The following ADAM12 variants were observed in gnomAD, a reference collection of about 807,000 sequenced individuals.
ADAM12 encodes the protein ADAM metallopeptidase domain 12.
A neutral mutation model predicts 106.4 loss-of-function variants in ADAM12; 70 were observed. The ratio of observed to expected loss-of-function variants is 0.66; its 90% CI spans 0.54 to 0.80. The LOEUF (loss-of-function observed/expected upper bound fraction) is 0.80. ADAM12 is among the 30% of genes least tolerant of loss of function. ADAM12 has a pLI of 0.00. For missense variants in ADAM12, 1,010 were observed against 1,171.9 expected (o/e 0.86, Z 2.02); for synonymous variants, 420 against 433.5 (o/e 0.97, Z 0.39).
At chr10:126,267,265 C>A (rs567504263) in intron 3 of ADAM12, among the ~76,000 whole-genome samples, 83 of 152,226 alleles carry the variant, frequency 5.5e-4, no homozygotes, top group Non-Finnish European at 1.1e-3. Context: ...CTTTTTGGCA[C>A]CTGAGACCGG....
At chr10:126,279,781 C>G (rs529096006) in intron 2 of ADAM12, among the ~76,000 whole-genome samples, 4 of 152,018 alleles carry the variant, frequency 2.6e-5, no homozygotes, top group Non-Finnish European at 4.4e-5. Context: ...TTGGGTCATC[C>G]CACAGAACAG....
At chr10:126,321,839 G>A (rs1854105023) in intron 2 of ADAM12, among the ~76,000 whole-genome samples, 1 of 146,618 alleles carries the variant, frequency 6.8e-6, no homozygotes, top group African/African-American at 2.5e-5. Context: ...AAAGAATACT[G>A]GATTTCAAAT....
chr10:126,036,533 C>A (rs1050776365), intron 20 of ADAM12, among the ~76,000 whole-genome samples: 1 of 152,120 alleles, frequency 6.6e-6, no homozygotes, highest in East Asian at 1.9e-4. Context: ...GCCTCCACCC[C>A]ACCAAATCTG....
At chr10:126,184,751 C>T (rs1957370055) in intron 3 of ADAM12, among the ~76,000 whole-genome samples, 1 of 152,098 alleles carries the variant, frequency 6.6e-6, no homozygotes. Flanking sequence ...AAAATGAACC[C>T]CAGCACACAG....
intron 1 of ADAM12, among the ~76,000 whole-genome samples, chr10:126,351,546 G>A (rs1045578059): frequency 1.3e-5 from 2 of 152,136 alleles, no homozygotes; most frequent in African/African-American, 4.8e-5. Context: ...GACTCCTTGC[G>A]ACAGAGACTG....
chr10:126,124,766 C>A (rs1205632234), intron 5 of ADAM12, among the ~76,000 whole-genome samples: 1 of 151,734 alleles, frequency 6.6e-6, no homozygotes, highest in Non-Finnish European at 1.5e-5. Context: ...ATAGTGCGTG[C>A]CTGTAATCCC....
intron 3 of ADAM12, among the ~76,000 whole-genome samples, chr10:126,230,285 T>C (rs889717715): frequency 3.3e-5 from 5 of 152,146 alleles, no homozygotes; most frequent in African/African-American, 1.2e-4. Flanking sequence ...TTATATTTCC[T>C]GCAGCTAACA....
intron 14 of ADAM12, among the ~76,000 whole-genome samples, chr10:126,056,034 CA>C (rs1954623091): frequency 1.3e-5 from 2 of 152,202 alleles, no homozygotes; most frequent in South Asian, 4.1e-4. Context: ...AGCAGTTCCT[CA>C]AGAAATAAAT....
intron 5 of ADAM12, among the ~76,000 whole-genome samples, chr10:126,130,579 T>G (rs1417123700): frequency 6.6e-6 from 1 of 152,202 alleles, no homozygotes; most frequent in Non-Finnish European, 1.5e-5. Context: ...CTCCTGGGGA[T>G]GCGGGGTGGA....
chr10:126,022,913 C>T (rs922607621), intron 21 of ADAM12, among the ~76,000 whole-genome samples: 4 of 152,198 alleles, frequency 2.6e-5, no homozygotes, highest in Non-Finnish European at 4.4e-5. Flanking sequence ...CATGTTCTGG[C>T]AATAGCCACA....
At chr10:126,380,960 T>G (rs1455012458) in intron 1 of ADAM12, among the ~76,000 whole-genome samples, 4 of 152,202 alleles carry the variant, frequency 2.6e-5, no homozygotes, top group Non-Finnish European at 5.9e-5. Context: ...AAATTTTTTT[T>G]CTGCAACTCT....
chr10:126,038,291 G>A lies in ADAM12; in HGVS notation c.2299C>T (p.His767Tyr), dbSNP rs1954094024. The A allele has an allele frequency of 1.2e-6, 2 of 1,612,296 alleles. No individual in the cohort carries two copies. The highest frequency in any genetic ancestry group is 1.7e-6 in the Non-Finnish European group (2 of 1,179,456). ...TTCCTCATCAGGCCTTTTCCAAGGTGGCCGAGGTGAGCCTGACAGGGTTGG... is the reference window on the plus strand; with the variant it reads ...TTCCTCATCAGGCCTTTTCCAAGGTAGCCGAGGTGAGCCTGACAGGGTTGG... ...GFQPCQAHLG[H>Y]LGKGLMRKPP... The change falls in exon 20 of 23, where the codon CAC becomes TAC. Residue 767 changes from histidine to tyrosine, a missense_variant. Physicochemically the swap from His to Tyr is moderately conservative, Grantham distance 83 (BLOSUM62 2). Around this residue, in one of 3 missense-constraint regions of ADAM12, gnomAD observed 615 missense variants for 708.5 expected, o/e 0.87. Coordinates refer to ENST00000448723, the MANE Select transcript of ADAM12 (RefSeq NM_001288973.2).
At chr10:126,224,682 C>T (rs1402046219) in intron 3 of ADAM12, among the ~76,000 whole-genome samples, 1 of 152,216 alleles carries the variant, frequency 6.6e-6, no homozygotes, top group Non-Finnish European at 1.5e-5. Flanking sequence ...AGCTCCAGAG[C>T]CCCTCTGCTT....
chr10:126,019,521 C>T (rs1352366955), intron 22 of ADAM12, among the ~76,000 whole-genome samples, 174 bp downstream of exon 22: 3 of 152,220 alleles, frequency 2.0e-5, no homozygotes, highest in Admixed American at 6.5e-5. Flanking sequence ...TATAAGCTCA[C>T]AGGGACTGCT....
At chr10:126,168,291 T>A (rs1158959614) in intron 3 of ADAM12, among the ~76,000 whole-genome samples, 2 of 151,844 alleles carry the variant, frequency 1.3e-5, no homozygotes, top group African/African-American at 4.9e-5. Flanking sequence ...CTTCAAAATA[T>A]ATCTCTAGCA....
At position 126,111,033 on chromosome 10, in the gene ADAM12, C is replaced by A. The variant is rs368135901; in HGVS notation, c.604-1193G>T. Among the ~76,000 whole-genome samples, 7 of 152,262 alleles carry A rather than the reference C, an allele frequency of 4.6e-5. No individual in the cohort carries two copies. The East Asian group carries it at 7.7e-4, about 17-fold the overall frequency. ...TGAATCAGGTTTCCAGTCACATAAT[C>A]CTGAGGGAAACATCTTTTATAAAAC... On this transcript the variant is annotated intron_variant, in intron 6 of 22. Coordinates refer to ENST00000448723, the MANE Select transcript of ADAM12 (RefSeq NM_001288973.2).
At chr10:126,226,447 A>G (rs7074743) in intron 3 of ADAM12, among the ~76,000 whole-genome samples, 145,571 of 152,214 alleles carry the variant, frequency 0.96, 69,655 homozygotes, top group Non-Finnish European at 0.97. Flanking sequence ...ACATGGGCAC[A>G]GCTGACATGC....
At chr10:126,029,388 C>T (rs1953935453) in intron 21 of ADAM12, among the ~76,000 whole-genome samples, 1 of 152,208 alleles carries the variant, frequency 6.6e-6, no homozygotes, top group African/African-American at 2.4e-5. Context: ...TAAATATACA[C>T]CATGGAATAC....
At chr10:126,280,312 T>C (rs1363287813) in intron 2 of ADAM12, among the ~76,000 whole-genome samples, 1 of 152,224 alleles carries the variant, frequency 6.6e-6, no homozygotes, top group Non-Finnish European at 1.5e-5. Flanking sequence ...ATTATTTGCT[T>C]TATTTTTAGG....
Sources: allele counts gnomAD v4.1 joint callset (sites outside exome capture counted in the v4.1 genomes callset), GRCh38; gene constraint gnomAD v4.1.1; regional missense constraint gnomAD v4.1.1; transcripts MANE v1.5; gene names NCBI Gene and HGNC (gene_info 2026-07-23, HGNC 2026-07-21).